Variants in TF observed in about 807,000 individuals in gnomAD.
TF encodes transferrin.
Under a neutral mutation model 82.4 loss-of-function variants are expected in TF, and 55 were observed. The observed-to-expected ratio is 0.67, with a 90% CI of 0.54 to 0.84. TF has a LOEUF of 0.84. TF is among the 40% of genes least tolerant of loss of function. TF has a pLI of 0.00. For missense variants in TF, 737 were observed against 868.4 expected (o/e 0.85, Z 1.90); for synonymous variants, 332 against 332.6 (o/e 1.00, Z 0.02).
the TF span, chr3:133,709,649 A>C: frequency 6.3e-6 from 1 of 159,826 alleles, no homozygotes; most frequent in African/African-American, 2.4e-5. Flanking sequence ...TATACAATCA[A>C]ACCGGGTCCT....
chr3:133,722,259 T>C, the TF span, among the ~76,000 whole-genome samples: 1 of 151,976 alleles, frequency 6.6e-6, no homozygotes, highest in African/African-American at 2.4e-5. Flanking sequence ...GGTTTCTATT[T>C]GCATGGAATA....
the TF span, among the ~76,000 whole-genome samples, chr3:133,713,300 A>T: frequency 6.6e-6 from 1 of 152,242 alleles, no homozygotes; most frequent in Non-Finnish European, 1.5e-5. Flanking sequence ...GCTGTTACCA[A>T]CCATGGGTTG....
In TF at chr3:133,782,773, T is replaced by C. The variant is rs1312263366; in HGVS notation, c.*4153T>C. On this transcript the variant is annotated 3_prime_UTR_variant, in exon 17 of 17. Transcript: ENST00000402696. ...GAGTTTGAGACCAGCCTAGGCAACA[T>C]GACAAAACCCCATCTCTGCAAAAAA... 2 of 113,776 alleles carry C rather than the reference T, an allele frequency of 1.8e-5. No homozygotes were observed. Among genetic ancestry groups the C allele is most frequent in the Admixed American group, 2.2e-4 (2 of 9,030 alleles). The allele number at this position is 113,776 out of a possible 1,614,324, so 7.0% of individuals were successfully genotyped here.
the TF span, among the ~76,000 whole-genome samples, chr3:133,717,340 T>C: frequency 6.6e-6 from 1 of 152,188 alleles, no homozygotes; most frequent in South Asian, 2.1e-4. Flanking sequence ...CCACATACAA[T>C]TCAGGATGTC....
the TF span, chr3:133,702,090 C>T: frequency 2.6e-5 from 4 of 152,766 alleles, no homozygotes; most frequent in Non-Finnish European, 4.4e-5. Context: ...GTTGGAGGGC[C>T]CTGCTTTTAA....
upstream of TF, among the ~76,000 whole-genome samples, chr3:133,741,112 C>T (rs956949633): frequency 1.3e-5 from 2 of 151,276 alleles, no homozygotes; most frequent in Non-Finnish European, 2.9e-5. Context: ...CCACCTCAGC[C>T]TCCTGAGTAG....
At chr3:133,691,637 T>C in the TF span, 1 of 152,792 alleles carries the variant, frequency 6.5e-6, no homozygotes, top group Non-Finnish European at 1.5e-5. Flanking sequence ...CAAGTGTCTA[T>C]TGAGCAAGTG....
rs1051373195 is a variant in TF at position 133,780,627 on chromosome 3, GAA to G, written c.*2011_*2012del. The G allele has an allele frequency of 9.9e-4, 151 of 152,202 alleles. 3 individuals are homozygous for G. The highest frequency in any genetic ancestry group is 3.5e-3 in the African/African-American group (145 of 41,524). 9.4% of individuals were successfully genotyped at this position (152,202 alleles called of 1,614,324 possible). A position where few individuals can be genotyped will look rare whatever the true frequency, so the allele number is the denominator to read the frequency against. The stretch of plus-strand genomic sequence containing the variant: ...ACAGGTGGCCAATCCAATTATACAA[GAA>G]AAATAAGTTATAATATTTAAAGAAA... On this transcript the variant is annotated 3_prime_UTR_variant, in exon 17 of 17. Coordinates refer to ENST00000402696, the MANE Select transcript of TF (RefSeq NM_001063.4).
the TF span, among the ~76,000 whole-genome samples, chr3:133,672,588 G>A: frequency 5.3e-5 from 8 of 152,064 alleles, no homozygotes; most frequent in East Asian, 5.8e-4. Flanking sequence ...GGAGTCCAGC[G>A]TGGTGGTGCA....
At chr3:133,745,602 G>C (rs956839135), upstream of TF, among the ~76,000 whole-genome samples, 1 of 152,254 alleles carries the variant, frequency 6.6e-6, no homozygotes, top group Non-Finnish European at 1.5e-5. Flanking sequence ...GCCCCAGGCT[G>C]TAAGAACAGG....
At chr3:133,692,957 T>A in the TF span, 1 of 152,900 alleles carries the variant, frequency 6.5e-6, no homozygotes, top group Non-Finnish European at 1.5e-5. Context: ...GGGCTGGGTG[T>A]GCCCAGGCAG....
chr3:133,675,391 T>C, the TF span, among the ~76,000 whole-genome samples: 1 of 152,200 alleles, frequency 6.6e-6, no homozygotes, highest in African/African-American at 2.4e-5. Flanking sequence ...ATATTGTCTA[T>C]ATGACAGCTT....
Position 133,793,011 on chromosome 3 carries a change from A to G in TF, c.*14391A>G, listed in dbSNP as rs2107955733. The G allele has an allele frequency of 6.6e-6, 1 of 152,336 alleles. No homozygotes were observed. Among genetic ancestry groups the G allele is most frequent in the South Asian group, 2.1e-4 (1 of 4,832 alleles). The allele number at this position is 152,336 out of a possible 1,614,324, so 9.4% of individuals were successfully genotyped here. On this transcript the variant is annotated 3_prime_UTR_variant, in exon 17 of 17. Coordinates refer to ENST00000402696, the MANE Select transcript of TF (RefSeq NM_001063.4). ...ATGGTCAAACGGATTAAGATTGGAAAGATATGTCTACAAGGTTTTCTTAAA... is the reference window on the plus strand; with the variant it reads ...ATGGTCAAACGGATTAAGATTGGAAGGATATGTCTACAAGGTTTTCTTAAA...
the TF span, among the ~76,000 whole-genome samples, chr3:133,716,163 T>A: frequency 6.6e-6 from 1 of 152,094 alleles, no homozygotes; most frequent in East Asian, 1.9e-4. Context: ...TTGGAGTTCT[T>A]CTCTCTGCTG....
intron 1 of TF, 110 bp from the exon 2 acceptor site, chr3:133,748,302 G>A (rs1172678361): frequency 7.7e-7 from 1 of 1,299,808 alleles, no homozygotes; most frequent in Admixed American, 1.9e-5. Context: ...ACAGGAGTGA[G>A]AGGAGGACAG....
At chr3:133,770,455 A>G (rs1934232167) in intron 13 of TF, 53 bp from the exon 14 acceptor site, 1 of 1,567,402 alleles carries the variant, frequency 6.4e-7, no homozygotes, top group Non-Finnish European at 8.8e-7. Flanking sequence ...TGAATGACAG[A>G]TAAGTCACTC....
At chr3:133,766,725 T>G (rs574508804) in intron 12 of TF, among the ~76,000 whole-genome samples, 1 of 152,226 alleles carries the variant, frequency 6.6e-6, no homozygotes, top group Non-Finnish European at 1.5e-5. Flanking sequence ...ATGGCTGGTA[T>G]GGTCATGAGA....
At chr3:133,686,781 G>A in the TF span, among the ~76,000 whole-genome samples, 1 of 152,016 alleles carries the variant, frequency 6.6e-6, no homozygotes, top group South Asian at 2.1e-4. Flanking sequence ...GTGGAAGACA[G>A]TGTGGCAATT....
At chr3:133,731,531 A>G in the TF span, among the ~76,000 whole-genome samples, 1 of 152,250 alleles carries the variant, frequency 6.6e-6, no homozygotes, top group African/African-American at 2.4e-5. Flanking sequence ...CAAAGGTCCC[A>G]GCAGCAATGG....
Sources: gnomAD v4.1 joint callset for allele counts (sites outside exome capture counted in the v4.1 genomes callset) on GRCh38, gnomAD v4.1.1 for gene constraint, MANE v1.5 for transcripts, NCBI Gene and HGNC (gene_info 2026-07-23, HGNC 2026-07-21) for gene names.